The following TET2 variants were observed in gnomAD, a reference collection of about 807,000 sequenced individuals.
TET2 encodes the protein methylcytosine dioxygenase TET2.
TET2 carries 299 observed loss-of-function variants against 142.9 expected under a neutral mutation model. The observed-to-expected ratio is 2.09, with a 90% CI of 1.90 to 2.30. TET2 has a LOEUF of 2.30. Ranked by LOEUF, TET2 falls within the 30% of genes most tolerant of loss-of-function variation. The pLI is 0.00. For missense variants in TET2, 2,418 were observed against 2,378.0 expected (o/e 1.02, Z -0.35); for synonymous variants, 819 against 849.0 (o/e 0.96, Z 0.61).
At chr4:105,189,920 T>A (rs1232191541) in intron 1 of TET2, among the ~76,000 whole-genome samples, 2 of 152,232 alleles carry the variant, frequency 1.3e-5, no homozygotes, top group African/African-American at 4.8e-5. Context: ...AGGGACTTAA[T>A]GATTCTCAAT....
chr4:105,255,557 T>C (rs1730080867), intron 6 of TET2, among the ~76,000 whole-genome samples: 1 of 152,200 alleles, frequency 6.6e-6, no homozygotes, highest in Non-Finnish European at 1.5e-5. Flanking sequence ...TATCTACTTT[T>C]AGCCATTATT....
intron 9 of TET2, among the ~76,000 whole-genome samples, chr4:105,270,474 CATTCACCTTACAGAGAGAGAAGCAT>C (rs1245325036): frequency 1.1e-4 from 16 of 152,132 alleles, no homozygotes; most frequent in South Asian, 4.1e-4. Flanking sequence ...AAATACAAGC[CATTCACCTTACAGAGAGAGAAGCAT>C]ATTCACCTTA....
chr4:105,252,905 G>A (rs1346941490), intron 6 of TET2, among the ~76,000 whole-genome samples: 2 of 152,106 alleles, frequency 1.3e-5, no homozygotes, highest in African/African-American at 2.4e-5. Context: ...TTGCTTTATT[G>A]TATTACCTTT....
Position 105,246,459 on chromosome 4 carries a change from C to A in TET2, c.3803+2681C>A, listed in dbSNP as rs148688921. 6.1e-4 allele frequency among the ~76,000 whole-genome samples: 93 copies of A among 152,242 alleles called. 2 individuals are homozygous for A. Among genetic ancestry groups the A allele is most frequent in the African/African-American group, 2.1e-3 (89 of 41,560 alleles). ...TTAAAAGCACAGCTGTACACTTTTGCTTTTTGTCTAGTTTCAAGGTAAAGA... is the reference window on the plus strand; with the variant it reads ...TTAAAAGCACAGCTGTACACTTTTGATTTTTGTCTAGTTTCAAGGTAAAGA... On this transcript the variant is annotated intron_variant, in intron 6 of 10. Coordinates refer to ENST00000380013, the MANE Select transcript of TET2 (RefSeq NM_001127208.3).
At chr4:105,173,763 A>C (rs377452436) in intron 1 of TET2, among the ~76,000 whole-genome samples, 1 of 152,324 alleles carries the variant, frequency 6.6e-6, no homozygotes. Flanking sequence ...GGTAAATTAA[A>C]ACATTTATAA....
chr4:105,249,190 C>T (rs1288998220), intron 6 of TET2, among the ~76,000 whole-genome samples: 1 of 151,844 alleles, frequency 6.6e-6, no homozygotes, highest in Non-Finnish European at 1.5e-5. Context: ...CCACACCCAG[C>T]TAATTTTTGT....
At chr4:105,240,791 A>G (rs922899261) in intron 3 of TET2, 2 of 1,079,588 alleles carry the variant, frequency 1.9e-6, no homozygotes, top group Non-Finnish European at 2.3e-6. Context: ...ATTGTTCTAA[A>G]GTACATACTA....
At chr4:105,260,252 T>G (rs779569652) in intron 7 of TET2, among the ~76,000 whole-genome samples, 5 of 152,178 alleles carry the variant, frequency 3.3e-5, no homozygotes, top group African/African-American at 4.8e-5. Context: ...TGGAAATAAA[T>G]GGACACTAAT....
At chr4:105,182,299 A>C (rs1209951502) in intron 1 of TET2, among the ~76,000 whole-genome samples, 23 of 152,284 alleles carry the variant, frequency 1.5e-4, no homozygotes, top group Admixed American at 1.4e-3. Context: ...ACCCTAAGCC[A>C]CTATAGCTCC....
intron 2 of TET2, among the ~76,000 whole-genome samples, chr4:105,203,938 T>A (rs1156710517): frequency 6.6e-6 from 1 of 152,056 alleles, no homozygotes; most frequent in Non-Finnish European, 1.5e-5. Context: ...CAGTGGCTCA[T>A]GCCTGTAATC....
In TET2 at chr4:105,275,572, A is replaced by C. The variant is rs1313851619; in HGVS notation, c.5062A>C (p.Ser1688Arg). 6.4e-7 allele frequency: 1 copy of C among 1,551,718 alleles called. No individual in the cohort carries two copies. ...LYQPRFGNSQSFTSKYLGYGN... is the reference protein window; with the variant it reads ...LYQPRFGNSQRFTSKYLGYGN... ...CCAGCCAAGGTTTGGAAATAGCCAG[A>C]GTTTTACATCTAAATACTTAGGTTA... Residue 1688 changes from serine to arginine, a missense_variant, in exon 11 of 11, where the codon AGT becomes CGT. Physicochemically the swap from Ser to Arg is moderately radical, Grantham distance 110. Coordinates refer to ENST00000380013, the MANE Select transcript of TET2 (RefSeq NM_001127208.3).
At chr4:105,150,155 C>T (rs1723228803) in intron 1 of TET2, among the ~76,000 whole-genome samples, 1 of 152,130 alleles carries the variant, frequency 6.6e-6, no homozygotes, top group African/African-American at 2.4e-5. Context: ...CCATCCTGCC[C>T]AAAGTCTGAG....
At chr4:105,182,741 G>A (rs1725195059) in intron 1 of TET2, among the ~76,000 whole-genome samples, 1 of 152,122 alleles carries the variant, frequency 6.6e-6, no homozygotes, top group Admixed American at 6.5e-5. Flanking sequence ...AATAGTGACT[G>A]ATCAAATGTC....
chr4:105,258,690 C>G (rs955036417), intron 6 of TET2, among the ~76,000 whole-genome samples: 1 of 152,006 alleles, frequency 6.6e-6, no homozygotes, highest in Non-Finnish European at 1.5e-5. Flanking sequence ...CACTGAAATT[C>G]TTGGTTTTTG....
chr4:105,221,156 G>A (rs927829041), intron 2 of TET2, among the ~76,000 whole-genome samples: 3 of 151,704 alleles, frequency 2.0e-5, no homozygotes, highest in South Asian at 2.1e-4. Context: ...TATTATTATC[G>A]TTTCCTTCAG....
intron 2 of TET2, among the ~76,000 whole-genome samples, chr4:105,205,685 G>C (rs949868999): frequency 1.3e-5 from 2 of 151,990 alleles, no homozygotes; most frequent in Non-Finnish European, 2.9e-5. Flanking sequence ...AGGCTGGAGT[G>C]CAATGGCAGG....
intron 1 of TET2, among the ~76,000 whole-genome samples, chr4:105,182,625 A>AT (rs1185192799): frequency 6.6e-6 from 1 of 152,182 alleles, no homozygotes; most frequent in African/African-American, 2.4e-5. Flanking sequence ...TTAAAAAAGT[A>AT]TTTTTTATTT....
intron 2 of TET2, among the ~76,000 whole-genome samples, chr4:105,192,857 T>A (rs996302032): frequency 6.6e-6 from 1 of 152,110 alleles, no homozygotes; most frequent in African/African-American, 2.4e-5. Flanking sequence ...GAAGATATAG[T>A]AGTCAAGTAA....
At chr4:105,260,086 A>G (rs967572299) in intron 7 of TET2, among the ~76,000 whole-genome samples, 3 of 152,174 alleles carry the variant, frequency 2.0e-5, no homozygotes, top group African/African-American at 4.8e-5. Context: ...TGGAAGTTAC[A>G]TAAGTACTAC....
Sources: allele counts gnomAD v4.1 joint callset (sites outside exome capture counted in the v4.1 genomes callset), GRCh38; gene constraint gnomAD v4.1.1; transcripts MANE v1.5; gene names NCBI Gene and HGNC (gene_info 2026-07-23, HGNC 2026-07-21).